Variants in ROBO1 observed in about 807,000 individuals in gnomAD.
ROBO1 encodes the protein roundabout homolog 1.
In ROBO1, 149 loss-of-function variants were observed where a neutral mutation model predicts 195.9. That is an observed-to-expected ratio of 0.76 (90% CI 0.67 to 0.87). ROBO1 has a LOEUF of 0.87. Ranked by LOEUF, ROBO1 falls within the 40% of genes least tolerant of loss-of-function variation. ROBO1 has a pLI of 0.00. For synonymous variants in ROBO1, 816 were observed against 733.2 expected (o/e 1.11, Z -1.82); for missense variants, 1,933 against 2,068.3 (o/e 0.93, Z 1.27).
chr3:78,723,529 T>G (rs1048383202), intron 5 of ROBO1, among the ~76,000 whole-genome samples: 5 of 152,186 alleles, frequency 3.3e-5, no homozygotes, highest in African/African-American at 1.2e-4. Flanking sequence ...AAGTAAATTT[T>G]AGGCTTTATA....
chr3:78,868,233 A>G (rs2035302266), intron 4 of ROBO1, among the ~76,000 whole-genome samples: 1 of 152,140 alleles, frequency 6.6e-6, no homozygotes, highest in South Asian at 2.1e-4. Context: ...TGTACTGAAA[A>G]GATCAGAGCA....
intron 4 of ROBO1, among the ~76,000 whole-genome samples, chr3:78,825,623 C>T (rs770873370): frequency 2.6e-5 from 4 of 152,168 alleles, no homozygotes; most frequent in Non-Finnish European, 5.9e-5. Flanking sequence ...AGACTGGGTA[C>T]ATGCACCCAT....
intron 1 of ROBO1, among the ~76,000 whole-genome samples, chr3:79,678,389 T>C (rs1324030844): frequency 6.6e-6 from 1 of 152,052 alleles, no homozygotes; most frequent in Non-Finnish European, 1.5e-5. Context: ...GCATTTACTA[T>C]AGCCACTAAA....
At chr3:78,730,607 A>T (rs2082264389) in intron 5 of ROBO1, among the ~76,000 whole-genome samples, 1 of 152,202 alleles carries the variant, frequency 6.6e-6, no homozygotes, top group South Asian at 2.1e-4. Context: ...CTTGCAAGTG[A>T]CAAGCTTAAT....
intron 10 of ROBO1, among the ~76,000 whole-genome samples, chr3:78,680,907 A>G (rs752700819): frequency 0.023 from 3,438 of 150,210 alleles, 72 homozygotes; most frequent in Middle Eastern, 0.072. Context: ...AGCACTATTC[A>G]CAATAGCAAA....
At position 78,858,564 on chromosome 3, in the gene ROBO1, CAAAAAAAAAAA is replaced by C. The variant is rs554355096; in HGVS notation, c.499+80026_499+80036del. On this transcript the variant is annotated intron_variant, in intron 4 of 30. Transcript: ENST00000464233. ...GGCAACATGGCAAAACCCTGTCTAC[CAAAAAAAAAAA>C]AAAAAAAAAAGGAGAAGAAGAAAAA... Among the ~76,000 whole-genome samples the C allele has an allele frequency of 3.1e-5, 3 of 96,512 alleles. No homozygotes were observed. In the Admixed American group the frequency reaches 3.7e-4, roughly 12 times the overall value. The allele number at this position is 96,512 out of a possible 152,430, so 63.3% of individuals were successfully genotyped here.
intron 3 of ROBO1, among the ~76,000 whole-genome samples, chr3:79,079,040 A>G (rs2079223909): frequency 1.3e-5 from 2 of 151,732 alleles, no homozygotes; most frequent in Admixed American, 1.3e-4. Flanking sequence ...AAAATTGTGC[A>G]CTCACATTAT....
chr3:79,168,301 T>C (rs1195749641), intron 2 of ROBO1, among the ~76,000 whole-genome samples: 1 of 152,162 alleles, frequency 6.6e-6, no homozygotes, highest in Non-Finnish European at 1.5e-5. Context: ...TTTGGCTTTA[T>C]TTAAATAAAT....
Position 78,685,746 on chromosome 3 carries a change from C to T in ROBO1, c.1342G>A (p.Val448Met). The T allele has an allele frequency of 6.3e-7, 1 of 1,594,320 alleles. No individual in the cohort carries two copies. Among genetic ancestry groups the T allele is most frequent in the Non-Finnish European group, 8.6e-7 (1 of 1,166,584 alleles). Reference protein sequence around the residue: ...ITKAYLEVTDVIADRPPPVIR... With the variant: ...ITKAYLEVTDMIADRPPPVIR... ...TGAAATAAAATGTTTTACACTTTAC[C>T]ATCTGTAACTTCCAAATATGCCTTT... is the stretch of plus-strand genomic sequence containing the variant. Residue 448 changes from valine to methionine, a missense_variant and splice_region_variant, in exon 10 of 31, where the codon GTG becomes ATG. Physicochemically the swap from Val to Met is conservative, Grantham distance 21. Coordinates refer to ENST00000464233, the MANE Select transcript of ROBO1 (RefSeq NM_002941.4).
At chr3:79,503,061 C>T (rs576106959) in intron 2 of ROBO1, among the ~76,000 whole-genome samples, 3 of 152,280 alleles carry the variant, frequency 2.0e-5, no homozygotes, top group Non-Finnish European at 2.9e-5. Context: ...TCTTTCCACA[C>T]TGTGAAAGCT....
At chr3:79,640,206 G>T (rs1161574981) in intron 1 of ROBO1, among the ~76,000 whole-genome samples, 3 of 152,070 alleles carry the variant, frequency 2.0e-5, no homozygotes, top group Non-Finnish European at 2.9e-5. Context: ...AAGAAAAAAA[G>T]ATAGCTTGGG....
At chr3:79,141,081 A>G (rs2080514608) in intron 2 of ROBO1, among the ~76,000 whole-genome samples, 1 of 152,122 alleles carries the variant, frequency 6.6e-6, no homozygotes, top group Non-Finnish European at 1.5e-5. Flanking sequence ...TTCCTTGCCC[A>G]GTGATATTTC....
intron 5 of ROBO1, among the ~76,000 whole-genome samples, chr3:78,742,510 C>A (rs543175686): frequency 2.6e-5 from 4 of 152,272 alleles, no homozygotes; most frequent in African/African-American, 9.6e-5. Context: ...TTATGATCTA[C>A]ATAAGATCAG....
intron 2 of ROBO1, among the ~76,000 whole-genome samples, chr3:79,379,961 A>G (rs2036515303): frequency 6.6e-6 from 1 of 152,216 alleles, no homozygotes; most frequent in Non-Finnish European, 1.5e-5. Context: ...TTATTTAATT[A>G]TTCCTTTACT....
chr3:79,270,138 C>T (rs1243745798), intron 2 of ROBO1, among the ~76,000 whole-genome samples: 1 of 150,570 alleles, frequency 6.6e-6, no homozygotes, highest in African/African-American at 2.4e-5. Context: ...TAAGTGTTGT[C>T]GATGTTCCTT....
chr3:79,343,444 A>G (rs2034988397), intron 2 of ROBO1, among the ~76,000 whole-genome samples: 1 of 152,194 alleles, frequency 6.6e-6, no homozygotes, highest in Non-Finnish European at 1.5e-5. Context: ...CAATCCCACC[A>G]GCAACGAAGG....
At chr3:78,817,685 A>AT (rs1242217023) in intron 4 of ROBO1, among the ~76,000 whole-genome samples, 6 of 152,204 alleles carry the variant, frequency 3.9e-5, no homozygotes, top group Admixed American at 2.0e-4. Flanking sequence ...ATACTCAAAG[A>AT]TTTTTTTGAA....
At chr3:78,811,981 C>A (rs2084757022) in intron 4 of ROBO1, among the ~76,000 whole-genome samples, 1 of 152,070 alleles carries the variant, frequency 6.6e-6, no homozygotes, top group Non-Finnish European at 1.5e-5. Flanking sequence ...ACAGTAGGAA[C>A]TATTTAATGT....
intron 1 of ROBO1, among the ~76,000 whole-genome samples, chr3:79,611,281 A>C (rs1944648556): frequency 6.6e-6 from 1 of 152,124 alleles, no homozygotes; most frequent in African/African-American, 2.4e-5. Flanking sequence ...AATAGCATAC[A>C]AATCTATCAT....
Sources: gnomAD v4.1 joint callset for allele counts (sites outside exome capture counted in the v4.1 genomes callset) on GRCh38, gnomAD v4.1.1 for gene constraint, MANE v1.5 for transcripts, NCBI Gene and HGNC (gene_info 2026-07-23, HGNC 2026-07-21) for gene names.